The following ALPL variants were observed in gnomAD, a reference collection of about 807,000 sequenced individuals.
ALPL encodes the protein alkaline phosphatase, tissue-nonspecific isozyme.
A neutral mutation model predicts 51.3 loss-of-function variants in ALPL; 42 were observed. The ratio of observed to expected loss-of-function variants is 0.82; its 90% CI spans 0.64 to 1.06. The LOEUF (loss-of-function observed/expected upper bound fraction) is 1.06. ALPL is among the 50% of genes least tolerant of loss of function. The probability of loss-of-function intolerance (pLI) is 0.00; values close to 1 mark genes in which losing one functional copy is unlikely to be tolerated. For synonymous variants in ALPL, 279 were observed against 296.4 expected, an observed-to-expected ratio of 0.94 and a Z score of 0.60; for missense variants, 589 against 709.4, an observed-to-expected ratio of 0.83 and a Z score of 1.93.
intron 1 of ALPL, among the ~76,000 whole-genome samples, chr1:21,552,361 C>T (rs1317241668): frequency 6.7e-6 from 1 of 150,370 alleles, no homozygotes; most frequent in African/African-American, 2.4e-5. Flanking sequence ...AGCCTGTAAT[C>T]CCAGCCACTC....
intron 2 of ALPL, among the ~76,000 whole-genome samples, chr1:21,559,718 C>T (rs1345779390): frequency 7.2e-5 from 11 of 152,150 alleles, no homozygotes; most frequent in Non-Finnish European, 1.3e-4. Flanking sequence ...CGGGATATCA[C>T]CGTGTTGCCC....
Position 21,554,742 on chromosome 1 carries a change from G to A in ALPL, c.61+600G>A, listed in dbSNP as rs562141981. ...CCTGACCTCATGATCCGCCTGCCTC[G>A]GCCTCCCAAAGTGCTGGGATTACAG... is the stretch of plus-strand genomic sequence containing the variant. On this transcript the variant is annotated intron_variant, in intron 2 of 11. Transcript: ENST00000374840. Among the ~76,000 whole-genome samples, 7 of 150,898 alleles carry A rather than the reference G, an allele frequency of 4.6e-5. No homozygotes were observed. In the South Asian group the frequency reaches 1.3e-3, roughly 27 times the overall value.
At chr1:21,532,673 T>C (rs1644046077) in intron 1 of ALPL, among the ~76,000 whole-genome samples, 1 of 152,222 alleles carries the variant, frequency 6.6e-6, no homozygotes, top group South Asian at 2.1e-4. Flanking sequence ...GCGTGCACCT[T>C]ACAGCTCCCT....
Position 21,577,530 on chromosome 1 carries a change from A to G in ALPL, c.1457A>G (p.Tyr486Cys). 1 of 1,607,372 alleles carries G rather than the reference A, an allele frequency of 6.2e-7. No individual in the cohort carries two copies. The highest frequency in any genetic ancestry group is 8.5e-7 in the Non-Finnish European group (1 of 1,179,880). ...EQNYVPHVMA[Y>C]AACIGANLGH... is the part of the protein sequence containing the mutation. ...AACTACGTCCCCCACGTGATGGCGT[A>G]TGCAGCCTGCATCGGGGCCAACCTC... The change falls in exon 12 of 12, where the codon TAT (tyrosine) becomes TGT (cysteine). Residue 486 changes from tyrosine to cysteine, a missense_variant. Transcript: ENST00000374840.
Position 21,552,238 on chromosome 1 carries a change from C to G in ALPL, c.-104-1740C>G, listed in dbSNP as rs182899453. Among the ~76,000 whole-genome samples the G allele has an allele frequency of 6.0e-3, 902 of 149,390 alleles. 4 individuals carry two copies. Among genetic ancestry groups the G allele is most frequent in the Middle Eastern group, 0.01 (3 of 292 alleles). ...GCAGCTCACACCTGTAATCCCAGCA[C>G]TTTGGGAGGCCAAGGTGGGCAGATC... On this transcript the variant is annotated intron_variant, in intron 1 of 11. Coordinates refer to ENST00000374840, the MANE Select transcript of ALPL (RefSeq NM_000478.6).
intron 1 of ALPL, among the ~76,000 whole-genome samples, chr1:21,517,802 GCA>G (rs1643829063): frequency 1.8e-4 from 28 of 152,126 alleles, no homozygotes; most frequent in Admixed American, 1.7e-3. Context: ...CGAATAGCCA[GCA>G]TGTCTCCTTC....
At chr1:21,547,329 C>G (rs1345592630) in intron 1 of ALPL, among the ~76,000 whole-genome samples, 1 of 152,188 alleles carries the variant, frequency 6.6e-6, no homozygotes, top group Non-Finnish European at 1.5e-5. Flanking sequence ...GCCACTGACC[C>G]AGGGCTTTGG....
At chr1:21,557,402 C>T (rs893632120) in intron 2 of ALPL, among the ~76,000 whole-genome samples, 1 of 152,212 alleles carries the variant, frequency 6.6e-6, no homozygotes, top group African/African-American at 2.4e-5. Context: ...CTGCTGAGCT[C>T]TCAGGCCATT....
intron 6 of ALPL, among the ~76,000 whole-genome samples, chr1:21,565,848 G>GAGAAAGAA (rs150248069): frequency 7.9e-5 from 12 of 151,120 alleles, no homozygotes; most frequent in African/African-American, 2.9e-4. Flanking sequence ...AAAGAAAGAA[G>GAGAAAGAA]AGAAAGAAAG....
At chr1:21,553,128 T>C (rs1644355051) in intron 1 of ALPL, among the ~76,000 whole-genome samples, 1 of 125,986 alleles carries the variant, frequency 7.9e-6, no homozygotes, top group African/African-American at 3.0e-5. Flanking sequence ...CCACAGTTAA[T>C]GTTTTGGTGT....
chr1:21,546,367 C>G (rs1431026066), intron 1 of ALPL, among the ~76,000 whole-genome samples: 2 of 152,130 alleles, frequency 1.3e-5, no homozygotes, highest in Non-Finnish European at 2.9e-5. Context: ...ACCATGGGAT[C>G]TGAGGTGTAC....
chr1:21,549,748 C>G (rs1442501254), intron 1 of ALPL, among the ~76,000 whole-genome samples: 1 of 152,158 alleles, frequency 6.6e-6, no homozygotes, highest in African/African-American at 2.4e-5. Flanking sequence ...CAGGTGTGAG[C>G]CATCGCACTT....
Position 21,577,386 on chromosome 1 carries a change from A to G in ALPL, c.1313A>G (p.His438Arg). 1 of 1,613,270 alleles carries G rather than the reference A, an allele frequency of 6.2e-7. No homozygotes were observed. The highest frequency in any genetic ancestry group is 8.5e-7 in the Non-Finnish European group (1 of 1,179,952). The change falls in exon 12 of 12, where the codon CAC becomes CGC. Residue 438 changes from histidine (H) to arginine (R), a missense_variant. Physicochemically the swap from His to Arg is conservative, Grantham distance 29. Transcript: ENST00000374840. ...RENVSMVDYA[H>R]NNYQAQSAVP... ...AGGTGTTTCCCCTGGCCCACAGCTC[A>G]CAACAACTACCAGGCGCAGTCTGCT... is the stretch of plus-strand genomic sequence containing the variant.
chr1:21,575,846 ACT>A lies in ALPL; in HGVS notation c.1114_1115del (p.Leu372AspfsTer32), dbSNP rs1553414600. ...AGGCAGCTTGACCTCCTCGGAAGAC[ACT>A]CTGACCGTGGTCACTGCGGACCATT... The part of the protein sequence containing the change: ...QAGSLTSSED[T>X]LTVVTADHSH... On this transcript the variant is annotated frameshift_variant, in exon 10 of 12. Coordinates refer to ENST00000374840, the MANE Select transcript of ALPL (RefSeq NM_000478.6). LOFTEE classifies it high-confidence loss of function. 7 of 1,614,060 alleles carry A rather than the reference ACT, an allele frequency of 4.3e-6. No homozygotes were observed. Among genetic ancestry groups the A allele is most frequent in the Non-Finnish European group, 5.9e-6 (7 of 1,180,008 alleles).
At chr1:21,519,103 G>A (rs1643853593) in intron 1 of ALPL, among the ~76,000 whole-genome samples, 1 of 152,234 alleles carries the variant, frequency 6.6e-6, no homozygotes, top group Admixed American at 6.5e-5. Context: ...CAGCCTTGCT[G>A]AGGGAGACCC....
At chr1:21,566,058 G>A (rs941753783) in intron 6 of ALPL, among the ~76,000 whole-genome samples, 7 of 152,024 alleles carry the variant, frequency 4.6e-5, no homozygotes, top group African/African-American at 1.4e-4. Context: ...CAAGGGACCC[G>A]TGACCTGGGG....
At chr1:21,563,979 A>C in intron 5 of ALPL, 62 bp from the exon 6 acceptor site, 2 of 1,589,768 alleles carry the variant, frequency 1.3e-6, no homozygotes, top group Non-Finnish European at 8.6e-7. Flanking sequence ...GAAGGGAGGG[A>C]GGAGGCCTCT....
rs569217416 is a variant in ALPL, at chr1:21,554,259, G to C, written c.61+117G>C. The stretch of plus-strand genomic sequence containing the variant: ...CCAAAGTATTTAAGAGCTGAAAACA[G>C]TGTTCAGAGCAGGAAACCTCAGCCC... On this transcript the variant is annotated intron_variant, in intron 2 of 11. Transcript: ENST00000374840. The C allele has an allele frequency of 2.9e-5, 32 of 1,111,930 alleles. No homozygotes were observed. The African/African-American group carries it at 4.9e-4, about 17-fold the overall frequency. The allele number at this position is 1,111,930 out of a possible 1,614,324, so 68.9% of individuals were successfully genotyped here.
intron 1 of ALPL, among the ~76,000 whole-genome samples, chr1:21,526,964 T>C (rs1643952354): frequency 6.6e-6 from 1 of 152,024 alleles, no homozygotes; most frequent in Admixed American, 6.6e-5. Flanking sequence ...GAAAATTGTC[T>C]AGATTTTTAA....
Sources: gnomAD v4.1 joint callset for allele counts (sites outside exome capture counted in the v4.1 genomes callset) on GRCh38, gnomAD v4.1.1 for gene constraint, MANE v1.5 for transcripts, NCBI Gene and HGNC (gene_info 2026-07-23, HGNC 2026-07-21) for gene names.